DOP1A: variants seen among roughly 807,000 people sequenced by gnomAD.
DOP1A encodes DOP1 leucine zipper like protein A, also known as protein DOP1A.
In DOP1A, 90 loss-of-function variants were observed where a neutral mutation model predicts 267.6. The observed-to-expected ratio is 0.34, with a 90% confidence interval of 0.28 to 0.40. The LOEUF (loss-of-function observed/expected upper bound fraction) is 0.40. DOP1A is among the 10% of genes least tolerant of loss of function. DOP1A has a pLI of 1.00. For synonymous variants in DOP1A, 932 were observed against 999.1 expected, an observed-to-expected ratio of 0.93 and a Z score of 1.27; for missense variants, 2,437 against 2,900.4, an observed-to-expected ratio of 0.84 and a Z score of 3.67.
At chr6:83,072,193 G>A (rs953662660) in intron 1 of DOP1A, among the ~76,000 whole-genome samples, 1 of 152,050 alleles carries the variant, frequency 6.6e-6, no homozygotes, top group Non-Finnish European at 1.5e-5. Flanking sequence ...TGTATTTAAA[G>A]TTGCTGGAGT....
At chr6:83,139,760 A>G (rs1369418214) in intron 21 of DOP1A, among the ~76,000 whole-genome samples, 1 of 152,172 alleles carries the variant, frequency 6.6e-6, no homozygotes, top group Non-Finnish European at 1.5e-5. Context: ...GTCACTAGCC[A>G]TCATTTGTTT....
At position 83,151,533 on chromosome 6, in the gene DOP1A, T is replaced by A. The variant is rs1236683176; in HGVS notation, c.5838-60T>A. 3.7e-6 allele frequency: 5 copies of A among 1,355,426 alleles called. No individual in the cohort carries two copies. The Admixed American group carries it at 7.0e-5, about 19-fold the overall frequency. The allele number at this position is 1,355,426 out of a possible 1,614,324, so 84.0% of individuals were successfully genotyped here. A position where few individuals can be genotyped will look rare whatever the true frequency, so the allele number is the denominator to read the frequency against. On this transcript the variant is annotated intron_variant, in intron 27 of 38. Transcript: ENST00000349129. ...GCTTAACTCATCGTGAGAAATTAGATCGCATTAGTTTCTTTTAGCCTGATA... is the reference window on the plus strand; with the variant it reads ...GCTTAACTCATCGTGAGAAATTAGAACGCATTAGTTTCTTTTAGCCTGATA...
In DOP1A at chr6:83,153,910, A is replaced by C. The variant is rs1329764836; in HGVS notation, c.6256A>C (p.Ser2086Arg). 1.2e-6 allele frequency: 2 copies of C among 1,612,254 alleles called. No individual in the cohort carries two copies. The highest frequency in any genetic ancestry group is 2.2e-5 in the East Asian group (1 of 44,860). Residue 2086 changes from serine (S) to arginine (R), a missense_variant, in exon 32 of 39, where the codon AGT becomes CGT. Transcript: ENST00000349129. Reference protein sequence around the residue: ...LRNHSAHNAPSYRACVQLLSS... With the variant: ...LRNHSAHNAPRYRACVQLLSS... Reference sequence around the variant, plus strand: ...TCCTTGTAGTGCACATAATGCCCCTAGTTATCGAGCTTGTGTCCAGCTGCT... The same window carrying C: ...TCCTTGTAGTGCACATAATGCCCCTCGTTATCGAGCTTGTGTCCAGCTGCT...
intron 1 of DOP1A, among the ~76,000 whole-genome samples, chr6:83,092,517 C>CTGCT (rs1482440107): frequency 2.0e-5 from 3 of 150,606 alleles, no homozygotes; most frequent in African/African-American, 7.3e-5. Flanking sequence ...GTTTGATTTG[C>CTGCT]TGCTCTGAGT....
At chr6:83,081,779 C>T (rs761364743) in intron 1 of DOP1A, among the ~76,000 whole-genome samples, 2 of 152,124 alleles carry the variant, frequency 1.3e-5, no homozygotes, top group Non-Finnish European at 2.9e-5. Context: ...GAGAAAATAT[C>T]TGCACACCAT....
chr6:83,119,960 G>T, intron 9 of DOP1A, 103 bp downstream of exon 9: 1 of 826,690 alleles, frequency 1.2e-6, no homozygotes. Context: ...AGTTGAAGGG[G>T]TGGAGACAAG....
chr6:83,168,238 G>A lies in DOP1A; in HGVS notation c.*71G>A, dbSNP rs1786333578. 3.3e-6 allele frequency: 5 copies of A among 1,494,340 alleles called. No homozygotes were observed. Among genetic ancestry groups the A allele is most frequent in the Non-Finnish European group, 2.7e-6 (3 of 1,130,110 alleles). 92.6% of individuals were successfully genotyped at this position (1,494,340 alleles called of 1,614,324 possible). Reference sequence around the variant, plus strand: ...TAAAACACACACACTGCTCTGCGTTGTATAGTTTTTCCTTTTTTGTATGTA... The same window carrying A: ...TAAAACACACACACTGCTCTGCGTTATATAGTTTTTCCTTTTTTGTATGTA... On this transcript the variant is annotated 3_prime_UTR_variant, in exon 39 of 39. Coordinates refer to ENST00000349129, the MANE Select transcript of DOP1A (RefSeq NM_015018.4).
intron 15 of DOP1A, 103 bp from the exon 16 acceptor site, chr6:83,128,784 T>C: frequency 1.5e-6 from 2 of 1,347,806 alleles, no homozygotes; most frequent in Admixed American, 5.7e-5. Context: ...AATGGGCAGA[T>C]TAAGTTGTGA....
intron 1 of DOP1A, among the ~76,000 whole-genome samples, chr6:83,071,536 C>T (rs995355917): frequency 6.6e-6 from 1 of 152,064 alleles, no homozygotes; most frequent in Non-Finnish European, 1.5e-5. Flanking sequence ...TGTCACTTAG[C>T]TCTGCCCTCG....
At chr6:83,167,768 C>A (rs1330160868) in intron 38 of DOP1A, 94 bp from the exon 39 acceptor site, 1 of 1,454,746 alleles carries the variant, frequency 6.9e-7, no homozygotes, top group Non-Finnish European at 9.1e-7. Flanking sequence ...GTATTCATTT[C>A]TTGACCAATT....
intron 34 of DOP1A, 119 bp downstream of exon 34, chr6:83,156,222 A>G: frequency 1.3e-6 from 1 of 784,302 alleles, no homozygotes; most frequent in Admixed American, 3.3e-5. Context: ...ATCGGGAATT[A>G]GAAATTTTTC....
At position 83,137,380 on chromosome 6, in the gene DOP1A, G is replaced by A; in HGVS notation, c.3338G>A (p.Cys1113Tyr). The A allele has an allele frequency of 6.2e-7, 1 of 1,613,848 alleles. No homozygotes were observed. Among genetic ancestry groups the A allele is most frequent in the Non-Finnish European group, 8.5e-7 (1 of 1,179,858 alleles). ...ATACTTCAGAGTTCTGACTCGGGAT[G>A]TTCACAGTCCTCTGCTGGGGACAAC... is the stretch of plus-strand genomic sequence containing the variant. The part of the protein sequence containing the change: ...IEILQSSDSG[C>Y]SQSSAGDNLS... The change falls in exon 21 of 39, where the codon TGT (cysteine) becomes TAT (tyrosine). Residue 1113 changes from cysteine to tyrosine, a missense_variant. Cys to Tyr is a radical substitution (Grantham distance 194). Transcript: ENST00000349129.
At position 83,145,593 on chromosome 6, in the gene DOP1A, G is replaced by A. The variant is rs1300534022; in HGVS notation, c.5611G>A (p.Ala1871Thr). 2 of 1,613,130 alleles carry A rather than the reference G, an allele frequency of 1.2e-6. No individual in the cohort carries two copies. Among genetic ancestry groups the A allele is most frequent in the Non-Finnish European group, 1.7e-6 (2 of 1,179,458 alleles). ...GGTTCGTTCAATCAGTGTCATGAGAGCAGAAACTGTTATCCAGACTGTAAA... is the reference window on the plus strand; with the variant it reads ...GGTTCGTTCAATCAGTGTCATGAGAACAGAAACTGTTATCCAGACTGTAAA... Reference protein sequence around the residue: ...ELVRSISVMRAETVIQTVKEV... With the variant: ...ELVRSISVMRTETVIQTVKEV... Residue 1871 changes from alanine (A) to threonine (T), a missense_variant, in exon 25 of 39, where the codon GCA becomes ACA. Around this residue, in one of 9 missense-constraint regions of DOP1A, gnomAD observed 307 missense variants for 308.6 expected, o/e 0.99. Coordinates refer to ENST00000349129, the MANE Select transcript of DOP1A (RefSeq NM_015018.4).
At chr6:83,148,579 A>G (rs931880955) in intron 26 of DOP1A, among the ~76,000 whole-genome samples, 180 bp from the exon 27 acceptor site, 2 of 152,236 alleles carry the variant, frequency 1.3e-5, no homozygotes, top group African/African-American at 4.8e-5. Context: ...TGTTTTAAAA[A>G]AAAGAAAGAA....
chr6:83,148,906 G>T, intron 27 of DOP1A, 43 bp downstream of exon 27: 1 of 1,200,066 alleles, frequency 8.3e-7, no homozygotes, highest in Admixed American at 2.9e-5. Flanking sequence ...AAAGGATAAT[G>T]TTAATTGTCC....
intron 18 of DOP1A, 125 bp downstream of exon 18, chr6:83,132,453 T>G: frequency 9.6e-7 from 1 of 1,043,450 alleles, no homozygotes; most frequent in Non-Finnish European, 1.3e-6. Flanking sequence ...GAAAATAGCT[T>G]TGTTCACAGT....
chr6:83,134,398 T>C, intron 19 of DOP1A, 111 bp downstream of exon 19: 1 of 740,048 alleles, frequency 1.4e-6, no homozygotes, highest in Non-Finnish European at 2.0e-6. Flanking sequence ...TTACAAATTT[T>C]ATAAAGAGAA....
chr6:83,079,297 A>G (rs1767672251), intron 1 of DOP1A, among the ~76,000 whole-genome samples: 1 of 152,164 alleles, frequency 6.6e-6, no homozygotes, highest in African/African-American at 2.4e-5. Context: ...CATCTCAGTG[A>G]ATTTTTTTGC....
intron 38 of DOP1A, chr6:83,165,400 C>T (rs143456508): frequency 6.5e-6 from 1 of 152,876 alleles, no homozygotes; most frequent in African/African-American, 2.4e-5. Flanking sequence ...TGCTCCTAGA[C>T]TCTTCCATTT....
Sources: gnomAD v4.1 joint callset for allele counts (sites outside exome capture counted in the v4.1 genomes callset) on GRCh38, gnomAD v4.1.1 for gene constraint, gnomAD v4.1.1 regional missense constraint, MANE v1.5 for transcripts, NCBI Gene and HGNC (gene_info 2026-07-23, HGNC 2026-07-21) for gene names.